Variants in RNF128 observed in about 807,000 individuals in gnomAD.
RNF128 encodes E3 ubiquitin-protein ligase RNF128.
Under a neutral mutation model 26.2 loss-of-function variants are expected in RNF128, and 13 were observed. That is an observed-to-expected ratio of 0.50 (90% CI 0.32 to 0.79). RNF128 has a LOEUF of 0.79. RNF128 is among the 30% of genes least tolerant of loss of function. RNF128 has a pLI of 0.03. For missense variants in RNF128, 315 were observed against 349.7 expected, an observed-to-expected ratio of 0.90 and a Z score of 0.79; for synonymous variants, 149 against 142.5, an observed-to-expected ratio of 1.05 and a Z score of -0.32.
chrX:106,787,184 G>A (rs1424192748), intron 3 of RNF128, among the ~76,000 whole-genome samples: 2 of 111,312 alleles, frequency 1.8e-5, no homozygotes. Context: ...TCAAATACTG[G>A]AAAAAAGCCA....
chrX:106,708,633 T>G (rs1929079705), intron 1 of RNF128, among the ~76,000 whole-genome samples: 1 of 112,275 alleles, frequency 8.9e-6, no homozygotes, highest in Non-Finnish European at 1.9e-5. Context: ...GCAACTGTTT[T>G]CTGCAAACAA....
chrX:106,768,570 A>T (rs1485310426), intron 1 of RNF128, among the ~76,000 whole-genome samples: 1 of 111,407 alleles, frequency 9.0e-6, no homozygotes, highest in Non-Finnish European at 1.9e-5. Context: ...TATCCCCTTT[A>T]TCATTTTTTA....
intron 1 of RNF128, among the ~76,000 whole-genome samples, chrX:106,749,426 T>G (rs1260305328): frequency 4.5e-5 from 5 of 112,220 alleles, no homozygotes; most frequent in African/African-American, 1.6e-4. Context: ...AGGCCTGCTG[T>G]AGCAACAGAA....
intron 1 of RNF128, among the ~76,000 whole-genome samples, chrX:106,714,689 A>G (rs1020156460): frequency 2.7e-5 from 3 of 111,979 alleles, no homozygotes; most frequent in African/African-American, 9.7e-5. Context: ...TTGTCCCTTT[A>G]TAGCCAAAAG....
chrX:106,763,091 G>T (rs1304054867), intron 1 of RNF128, among the ~76,000 whole-genome samples: 1 of 108,396 alleles, frequency 9.2e-6, no homozygotes, highest in East Asian at 3.0e-4. Context: ...AGACTCCTGG[G>T]CAGAAAAAGA....
chrX:106,764,062 A>G (rs969043986), intron 1 of RNF128, among the ~76,000 whole-genome samples: 8 of 108,419 alleles, frequency 7.4e-5, no homozygotes, highest in African/African-American at 1.7e-4. Context: ...TCCCGGGTTC[A>G]CGCCATTCTC....
chrX:106,697,500 T>C (rs1391797618), intron 1 of RNF128, among the ~76,000 whole-genome samples: 3 of 111,832 alleles, frequency 2.7e-5, no homozygotes, highest in Non-Finnish European at 5.6e-5. Context: ...TCTTTCTCAC[T>C]GAAAATCTAC....
intron 1 of RNF128, among the ~76,000 whole-genome samples, chrX:106,716,391 A>G (rs1397764810): frequency 8.9e-6 from 1 of 111,907 alleles, no homozygotes; most frequent in Non-Finnish European, 1.9e-5. Context: ...GGCAAAAACC[A>G]TAGGGAAAGA....
At chrX:106,754,896 G>A (rs1929972671) in intron 1 of RNF128, among the ~76,000 whole-genome samples, 1 of 109,681 alleles carries the variant, frequency 9.1e-6, no homozygotes, top group East Asian at 2.9e-4. Context: ...CAAACCAAAT[G>A]GAAAATTAGT....
intron 1 of RNF128, among the ~76,000 whole-genome samples, chrX:106,716,739 TC>T (rs1929223317): frequency 9.0e-6 from 1 of 110,727 alleles, no homozygotes; most frequent in Non-Finnish European, 1.9e-5. Context: ...AGATACATGG[TC>T]CCTTCTCTCA....
intron 1 of RNF128, among the ~76,000 whole-genome samples, chrX:106,754,098 G>A (rs1929949593): frequency 8.9e-6 from 1 of 112,084 alleles, no homozygotes. Context: ...GAGAACAAAT[G>A]GACCTAATAG....
rs140981259 is a variant in RNF128, at chrX:106,699,156, C to A, written c.406+4748C>A. 1.7e-3 allele frequency among the ~76,000 whole-genome samples: 192 copies of A among 112,141 alleles called. 4 individuals are homozygous for A. The East Asian group carries it at 0.021, about 12-fold the overall frequency. On this transcript the variant is annotated intron_variant, in intron 1 of 6. Coordinates refer to the RNF128 transcript ENST00000324342. ...ATAGCTTCTTAAGTGTTCTCTCTTGCTATTCTCGCCCCTCTGTAGCACATA... is the reference window on the plus strand; with the variant it reads ...ATAGCTTCTTAAGTGTTCTCTCTTGATATTCTCGCCCCTCTGTAGCACATA...
At chrX:106,721,544 T>C (rs1006739663) in intron 1 of RNF128, among the ~76,000 whole-genome samples, 6 of 111,940 alleles carry the variant, frequency 5.4e-5, no homozygotes, top group African/African-American at 1.9e-4. Context: ...AGTTTAGTAT[T>C]GCTGATACAA....
In RNF128 at chrX:106,754,410, C is replaced by CTTTTTTT. The variant is rs150895665; in HGVS notation, c.485-18478_485-18472dup. Among the ~76,000 whole-genome samples the CTTTTTTT allele has an allele frequency of 5.8e-3, 209 of 35,760 alleles. 16 individuals are homozygous for CTTTTTTT. The highest frequency in any genetic ancestry group is 0.017 in the African/African-American group (126 of 7,543). The allele number at this position is 35,760 out of a possible 115,157, so 31.1% of individuals were successfully genotyped here. On this transcript the variant is annotated intron_variant, in intron 1 of 6. Transcript: ENST00000255499. ...CCACACCTGGCAATGTTTTCTTTCT[C>CTTTTTTT]TTTTTTTTTTTTTTTTTTTTTTTTT...
intron 1 of RNF128, among the ~76,000 whole-genome samples, chrX:106,697,280 T>C (rs1192171431): frequency 8.9e-6 from 1 of 111,815 alleles, no homozygotes; most frequent in East Asian, 2.8e-4. Context: ...TATTTGGTAG[T>C]TTTTGTGGCG....
chrX:106,714,317 T>G (rs1485182250), intron 1 of RNF128, among the ~76,000 whole-genome samples: 3 of 111,812 alleles, frequency 2.7e-5, no homozygotes, highest in African/African-American at 9.7e-5. Flanking sequence ...AATAATTTCC[T>G]AAAGTTGAAT....
intron 1 of RNF128, among the ~76,000 whole-genome samples, chrX:106,706,369 T>G (rs1001163212): frequency 2.8e-5 from 3 of 107,723 alleles, no homozygotes. Context: ...AAACCTCAAA[T>G]AAATGCTTCC....
chrX:106,795,470 C>A, intron 6 of RNF128, 110 bp from the exon 7 acceptor site: 3 of 636,118 alleles, frequency 4.7e-6, no homozygotes, highest in Non-Finnish European at 7.1e-6. Flanking sequence ...ATATGGTAAT[C>A]AGTGTATGTT....
At position 106,695,957 on chromosome X, in the gene RNF128, A is replaced by G. The variant is rs905339525; in HGVS notation, c.406+1549A>G. On this transcript the variant is annotated intron_variant, in intron 1 of 6. Transcript: ENST00000324342. ...GGTACCCTGCCAGTAAATTTGAAATATTTACCAAAGATCACTCACAGTAAA... is the reference window on the plus strand; with the variant it reads ...GGTACCCTGCCAGTAAATTTGAAATGTTTACCAAAGATCACTCACAGTAAA... Among the ~76,000 whole-genome samples, 7 of 111,781 alleles carry G rather than the reference A, an allele frequency of 6.3e-5. 1 individual carries two copies. The Middle Eastern group carries it at 0.019, about 298-fold the overall frequency.
Sources: allele counts gnomAD v4.1 joint callset (sites outside exome capture counted in the v4.1 genomes callset), GRCh38; gene constraint gnomAD v4.1.1; transcripts MANE v1.5; gene names NCBI Gene and HGNC (gene_info 2026-07-23, HGNC 2026-07-21).